Variants in TCERG1L observed in about 807,000 individuals in gnomAD.
TCERG1L encodes the protein transcription elongation regulator 1-like protein.
TCERG1L carries 37 observed loss-of-function variants against 56.3 expected under a neutral mutation model. That is an observed-to-expected ratio of 0.66 (90% CI 0.51 to 0.87). The LOEUF (loss-of-function observed/expected upper bound fraction) is 0.87, where lower values mean the gene tolerates loss of function less well. TCERG1L is among the 40% of genes least tolerant of loss of function. TCERG1L has a pLI of 0.00. For synonymous variants in TCERG1L, 324 were observed against 326.3 expected, an observed-to-expected ratio of 0.99 and a Z score of 0.08; for missense variants, 799 against 774.2, an observed-to-expected ratio of 1.03 and a Z score of -0.38.
chr10:131,173,454 C>T (rs1389684803), intron 4 of TCERG1L, among the ~76,000 whole-genome samples: 1 of 152,138 alleles, frequency 6.6e-6, no homozygotes, highest in African/African-American at 2.4e-5. Context: ...AAAAATAACA[C>T]AGTCAGGGCC....
chr10:131,140,211 C>A (rs1845720457), intron 7 of TCERG1L, among the ~76,000 whole-genome samples: 1 of 152,094 alleles, frequency 6.6e-6, no homozygotes, highest in Non-Finnish European at 1.5e-5. Context: ...CCTGTGGGTG[C>A]CTGGCTGGAC....
rs539069157 is a variant in TCERG1L at position 131,198,860 on chromosome 10, AC to A, written c.857-31976del. Among the ~76,000 whole-genome samples, 362 of 152,270 alleles carry A rather than the reference AC, an allele frequency of 2.4e-3. 1 individual carries two copies. Among genetic ancestry groups the A allele is most frequent in the African/African-American group, 8.3e-3 (344 of 41,556 alleles). ...AAGCTTGTGCCTGCTCAGCTCATGC[AC>A]CCCGTGCACCTGCAGAGGCAGCGCC... On this transcript the variant is annotated intron_variant, in intron 4 of 11. Coordinates refer to ENST00000368642, the MANE Select transcript of TCERG1L (RefSeq NM_174937.4).
At chr10:131,138,410 T>TG (rs1845698166) in intron 7 of TCERG1L, among the ~76,000 whole-genome samples, 1 of 152,148 alleles carries the variant, frequency 6.6e-6, no homozygotes, top group African/African-American at 2.4e-5. Flanking sequence ...GCATCACACA[T>TG]GGATGGCTCC....
At chr10:131,281,616 T>C (rs1396889831) in intron 3 of TCERG1L, among the ~76,000 whole-genome samples, 1 of 151,970 alleles carries the variant, frequency 6.6e-6, no homozygotes, top group Admixed American at 6.6e-5. Context: ...TTTCTATTCT[T>C]CCCAAAGGCA....
At chr10:131,310,008 C>T (rs1046572410) in intron 1 of TCERG1L, among the ~76,000 whole-genome samples, 13 of 152,024 alleles carry the variant, frequency 8.6e-5, no homozygotes, top group Non-Finnish European at 1.5e-4. Context: ...TGACATGGAA[C>T]GTTTCAGTAC....
intron 7 of TCERG1L, among the ~76,000 whole-genome samples, chr10:131,142,378 G>A (rs1423870143): frequency 2.0e-5 from 3 of 152,236 alleles, no homozygotes; most frequent in East Asian, 1.9e-4. Context: ...TCCAGTGTGC[G>A]CTGTCTTCTC....
At chr10:131,181,689 G>A (rs1199875922) in intron 4 of TCERG1L, among the ~76,000 whole-genome samples, 2 of 152,242 alleles carry the variant, frequency 1.3e-5, no homozygotes, top group Non-Finnish European at 2.9e-5. Flanking sequence ...CCTGCAGTGG[G>A]CCAGGTGGGC....
chr10:131,218,689 G>A (rs1304975769), intron 4 of TCERG1L, among the ~76,000 whole-genome samples: 1 of 152,260 alleles, frequency 6.6e-6, no homozygotes, highest in African/African-American at 2.4e-5. Flanking sequence ...GGAGGGAAGT[G>A]GATGTGTGTC....
At position 131,248,222 on chromosome 10, in the gene TCERG1L, ACAAC is replaced by A. The variant is rs1428513690; in HGVS notation, c.856+12033_856+12036del. 4.2e-3 allele frequency among the ~76,000 whole-genome samples: 619 copies of A among 148,176 alleles called. 6 individuals carry two copies. The highest frequency in any genetic ancestry group is 0.014 in the African/African-American group (526 of 38,866). Reference sequence around the variant, plus strand: ...CTACTCACACACAACTCTCTCACACACAACTCACACACACACGACTCACACACAC... The same window carrying A: ...CTACTCACACACAACTCTCTCACACATCACACACACACGACTCACACACAC... On this transcript the variant is annotated intron_variant, in intron 4 of 11. Transcript: ENST00000368642.
At chr10:131,221,401 G>A (rs1000980762) in intron 4 of TCERG1L, among the ~76,000 whole-genome samples, 1 of 152,212 alleles carries the variant, frequency 6.6e-6, no homozygotes, top group African/African-American at 2.4e-5. Flanking sequence ...GGAGGTGGGT[G>A]GGAAAGGTAG....
At chr10:131,240,557 G>T (rs1482082365) in intron 4 of TCERG1L, among the ~76,000 whole-genome samples, 1 of 150,146 alleles carries the variant, frequency 6.7e-6, no homozygotes, top group Non-Finnish European at 1.5e-5. Flanking sequence ...GTGAGTGAGT[G>T]AGCGTCTGTC....
In TCERG1L at chr10:131,308,397, G is replaced by A. The variant is rs754423980; in HGVS notation, c.490-6C>T. 4.7e-5 allele frequency: 76 copies of A among 1,611,028 alleles called. No individual in the cohort carries two copies. Among genetic ancestry groups the A allele is most frequent in the Middle Eastern group, 1.7e-4 (1 of 6,038 alleles). ...AAGGAATTATTAAAAAAGATCTGTC[G>A]AAAAATAATGCAAGCATAACACTGA... On this transcript the variant is annotated splice_region_variant and splice_polypyrimidine_tract_variant and intron_variant, in intron 2 of 11. Transcript: ENST00000368642.
At chr10:131,225,507 G>A (rs1196680527) in intron 4 of TCERG1L, among the ~76,000 whole-genome samples, 1 of 151,992 alleles carries the variant, frequency 6.6e-6, no homozygotes, top group African/African-American at 2.4e-5. Flanking sequence ...CGATGCCTCC[G>A]TGGCATCCAC....
chr10:131,188,834 C>A (rs1247186429), intron 4 of TCERG1L, among the ~76,000 whole-genome samples: 1 of 152,246 alleles, frequency 6.6e-6, no homozygotes, highest in Non-Finnish European at 1.5e-5. Context: ...TCTGGCCACA[C>A]AACTGTCACG....
chr10:131,307,752 T>C (rs1009369170), intron 3 of TCERG1L, among the ~76,000 whole-genome samples: 1 of 152,202 alleles, frequency 6.6e-6, no homozygotes. Context: ...GAGGGCATTT[T>C]ATAGTCCATC....
intron 4 of TCERG1L, among the ~76,000 whole-genome samples, chr10:131,245,495 T>TC (rs1370218576): frequency 6.6e-6 from 1 of 152,086 alleles, no homozygotes; most frequent in Non-Finnish European, 1.5e-5. Context: ...AGGGCTTCCC[T>TC]CCCTCCAGCC....
intron 4 of TCERG1L, among the ~76,000 whole-genome samples, chr10:131,245,003 G>A (rs1282616781): frequency 6.6e-6 from 1 of 152,206 alleles, no homozygotes; most frequent in African/African-American, 2.4e-5. Flanking sequence ...GGGTGGGAGT[G>A]TGCTGGGCAC....
rs376570202 is a variant in TCERG1L at position 131,108,641 on chromosome 10, C to T, written c.1396-4287G>A. 2.4e-4 allele frequency among the ~76,000 whole-genome samples: 36 copies of T among 152,298 alleles called. 1 individual carries two copies. The highest frequency in any genetic ancestry group is 4.1e-4 in the South Asian group (2 of 4,828). On this transcript the variant is annotated intron_variant, in intron 9 of 11. Transcript: ENST00000368642. ...GCATAAGCAACGACTTCAAACTCAG[C>T]GGGTCACAAGCACCACCTCGGATCA...
intron 4 of TCERG1L, among the ~76,000 whole-genome samples, chr10:131,178,217 A>G (rs1259745233): frequency 2.6e-5 from 4 of 152,030 alleles, no homozygotes; most frequent in Admixed American, 6.5e-5. Flanking sequence ...CTTTACTAGA[A>G]TTGCAGGGTT....
Sources: allele counts gnomAD v4.1 joint callset (sites outside exome capture counted in the v4.1 genomes callset), GRCh38; gene constraint gnomAD v4.1.1; transcripts MANE v1.5; gene names NCBI Gene and HGNC (gene_info 2026-07-23, HGNC 2026-07-21).